NEK11: variants seen among roughly 807,000 people sequenced by gnomAD.
NEK11 encodes serine/threonine-protein kinase Nek11.
In NEK11, 72 loss-of-function variants were observed where a neutral mutation model predicts 80.7. The ratio of observed to expected loss-of-function variants is 0.89; its 90% CI spans 0.74 to 1.08. The LOEUF (loss-of-function observed/expected upper bound fraction) is 1.08, where lower values mean the gene tolerates loss of function less well. Ranked by LOEUF, NEK11 falls within the 50% of genes least tolerant of loss-of-function variation. The pLI is 0.00. For missense variants in NEK11, 764 were observed against 763.6 expected (o/e 1.00, Z -0.01); for synonymous variants, 251 against 260.7 (o/e 0.96, Z 0.36).
Position 131,323,529 on chromosome 3 carries a change from T to A in NEK11, c.1719-26028T>A, listed in dbSNP as rs1234504490. Among the ~76,000 whole-genome samples the A allele has an allele frequency of 2.6e-5, 4 of 152,344 alleles. No homozygotes were observed. In the East Asian group the frequency reaches 5.8e-4, roughly 22 times the overall value. ...TCTTCCTCTCTTTCTGGAATGCATGTCACATTTCCGGCCAGTGTTCTATAA... is the reference window on the plus strand; with the variant it reads ...TCTTCCTCTCTTTCTGGAATGCATGACACATTTCCGGCCAGTGTTCTATAA... On this transcript the variant is annotated intron_variant, in intron 17 of 17. Transcript: ENST00000383366.
chr3:131,045,552 C>T (rs111898955), intron 3 of NEK11, among the ~76,000 whole-genome samples: 2,156 of 152,096 alleles, frequency 0.014, 45 homozygotes, highest in African/African-American at 0.049. Flanking sequence ...TTATTGAGAC[C>T]TGTTTTATGG....
chr3:131,150,649 T>C (rs1397324061), intron 7 of NEK11, among the ~76,000 whole-genome samples: 2 of 152,084 alleles, frequency 1.3e-5, no homozygotes, highest in East Asian at 1.9e-4. Context: ...AGTTTTTTAA[T>C]TGGAGTCTTT....
chr3:131,251,523 A>G (rs1211930493), intron 16 of NEK11, among the ~76,000 whole-genome samples: 1 of 152,142 alleles, frequency 6.6e-6, no homozygotes, highest in Non-Finnish European at 1.5e-5. Flanking sequence ...AATAAAAAAT[A>G]CATATACCCT....
chr3:131,258,631 A>G (rs1203753445), intron 16 of NEK11, among the ~76,000 whole-genome samples: 2 of 152,204 alleles, frequency 1.3e-5, no homozygotes, highest in Non-Finnish European at 2.9e-5. Flanking sequence ...TCTTCCTTTT[A>G]CTGGTAGCTA....
chr3:131,334,185 A>G (rs970992730), intron 17 of NEK11, among the ~76,000 whole-genome samples: 1 of 152,170 alleles, frequency 6.6e-6, no homozygotes, highest in African/African-American at 2.4e-5. Context: ...GCACCACACC[A>G]CACCTATTCC....
chr3:131,170,900 A>C lies in NEK11; in HGVS notation c.1399+13A>C, dbSNP rs1423518862. 1 of 1,584,582 alleles carries C rather than the reference A, an allele frequency of 6.3e-7. No homozygotes were observed. Among genetic ancestry groups the C allele is most frequent in the African/African-American group, 1.3e-5 (1 of 74,324 alleles). On this transcript the variant is annotated intron_variant, in intron 14 of 17. Coordinates refer to ENST00000383366, the MANE Select transcript of NEK11 (RefSeq NM_024800.5). The stretch of plus-strand genomic sequence containing the variant: ...CTTGGATACCATGGTATGTGTTTGC[A>C]TTGATTTTCAGAAGGATGCTCACAG...
intron 16 of NEK11, among the ~76,000 whole-genome samples, chr3:131,252,341 T>G (rs779498852): frequency 2.0e-5 from 3 of 152,118 alleles, no homozygotes; most frequent in Non-Finnish European, 4.4e-5. Context: ...TTCAAGAGCT[T>G]CTTCTATCTC....
intron 14 of NEK11, among the ~76,000 whole-genome samples, chr3:131,174,495 A>C (rs1445135727): frequency 6.6e-6 from 1 of 152,234 alleles, no homozygotes; most frequent in Non-Finnish European, 1.5e-5. Flanking sequence ...TGAATTGGAC[A>C]ATTCCCTCTG....
chr3:131,083,278 G>A (rs1294755873), intron 4 of NEK11, among the ~76,000 whole-genome samples: 2 of 152,172 alleles, frequency 1.3e-5, no homozygotes, highest in East Asian at 3.8e-4. Flanking sequence ...GATCTCATCC[G>A]GAATCATCTG....
chr3:131,265,693 T>A (rs2096039582), intron 16 of NEK11, among the ~76,000 whole-genome samples: 1 of 152,206 alleles, frequency 6.6e-6, no homozygotes, highest in Non-Finnish European at 1.5e-5. Context: ...TTGTTGTGTC[T>A]CTACCAGGTT....
intron 15 of NEK11, among the ~76,000 whole-genome samples, chr3:131,230,617 G>A (rs1317104044): frequency 2.0e-5 from 3 of 152,002 alleles, no homozygotes; most frequent in Non-Finnish European, 4.4e-5. Flanking sequence ...TTGCTTTTAA[G>A]TAATTTTTTA....
chr3:131,244,339 A>G (rs2095565180), intron 16 of NEK11, among the ~76,000 whole-genome samples: 1 of 152,134 alleles, frequency 6.6e-6, no homozygotes, highest in African/African-American at 2.4e-5. Context: ...TCACCTGACC[A>G]TCACCCTGTG....
Position 131,061,803 on chromosome 3 carries a change from G to A in NEK11, c.171-18620G>A, listed in dbSNP as rs982946665. On this transcript the variant is annotated intron_variant, in intron 3 of 17. Transcript: ENST00000383366. The stretch of plus-strand genomic sequence containing the variant: ...AGGATTTCTGGAGGGCCAGACTAAG[G>A]ACAACCTCCCTGCCATCACTGGTGC... 3.9e-5 allele frequency among the ~76,000 whole-genome samples: 6 copies of A among 152,260 alleles called. No individual in the cohort carries two copies. The East Asian group carries it at 1.2e-3, about 29-fold the overall frequency.
chr3:131,242,633 G>A (rs1370741043), intron 15 of NEK11, among the ~76,000 whole-genome samples: 1 of 152,122 alleles, frequency 6.6e-6, no homozygotes, highest in Non-Finnish European at 1.5e-5. Flanking sequence ...GGCCAGTCTG[G>A]TCTTGAACTT....
chr3:131,132,891 A>G, intron 6 of NEK11, 82 bp downstream of exon 6: 1 of 631,582 alleles, frequency 1.6e-6, no homozygotes, highest in South Asian at 2.0e-5. Flanking sequence ...AGTAAATGGT[A>G]CGTGGAAGTA....
chr3:131,029,527 G>A (rs2064468805), intron 2 of NEK11, 86 bp from the exon 3 acceptor site: 1 of 480,136 alleles, frequency 2.1e-6, no homozygotes, highest in South Asian at 4.6e-5. Flanking sequence ...TGCTGATCAA[G>A]GTGCAGATAT....
In NEK11 at chr3:131,133,836, T is replaced by G. The variant is rs2085011691; in HGVS notation, c.527T>G (p.Phe176Cys). Reference sequence around the variant, plus strand: ...AATTAATTATTATTTCAAGGAGATTTTGGAGTTTCTCGACTTCTAATGGGA... The same window carrying G: ...AATTAATTATTATTTCAAGGAGATTGTGGAGTTTCTCGACTTCTAATGGGA... The part of the protein sequence containing the change: ...LKNNLLKIGD[F>C]GVSRLLMGSC... The change falls in exon 7 of 18, where the codon TTT (phenylalanine) becomes TGT (cysteine). Residue 176 changes from phenylalanine (F) to cysteine (C), a missense_variant. Physicochemically the swap from Phe to Cys is radical, Grantham distance 205 (BLOSUM62 -2). Transcript: ENST00000383366. 6.2e-6 allele frequency: 10 copies of G among 1,608,414 alleles called. No homozygotes were observed. The highest frequency in any genetic ancestry group is 3.3e-4 in the Middle Eastern group (2 of 6,026).
intron 14 of NEK11, among the ~76,000 whole-genome samples, chr3:131,220,902 T>C (rs2094997839): frequency 6.6e-6 from 1 of 152,146 alleles, no homozygotes; most frequent in South Asian, 2.1e-4. Context: ...CTGGAAGTTT[T>C]AGTACGATGA....
intron 17 of NEK11, among the ~76,000 whole-genome samples, chr3:131,281,119 TGA>T (rs2096389243): frequency 6.6e-6 from 1 of 152,232 alleles, no homozygotes; most frequent in African/African-American, 2.4e-5. Context: ...ACAGGTTTAT[TGA>T]TTTCTTTTGC....
Sources: allele counts gnomAD v4.1 joint callset (sites outside exome capture counted in the v4.1 genomes callset), GRCh38; gene constraint gnomAD v4.1.1; transcripts MANE v1.5; gene names NCBI Gene and HGNC (gene_info 2026-07-23, HGNC 2026-07-21).